Variants in MACROD2 observed in about 807,000 individuals in gnomAD.
MACROD2 encodes mono-ADP ribosylhydrolase 2, also known as ADP-ribose glycohydrolase MACROD2.
In MACROD2, 36 loss-of-function variants were observed where a neutral mutation model predicts 70.4. That is an observed-to-expected ratio of 0.51 (90% CI 0.39 to 0.68). The LOEUF is 0.68. Among genes scored for constraint, MACROD2 ranks in the 30% least tolerant of loss-of-function variants. MACROD2 has a pLI of 0.00. For synonymous variants in MACROD2, 172 were observed against 178.8 expected, an observed-to-expected ratio of 0.96 and a Z score of 0.30; for missense variants, 496 against 538.4, an observed-to-expected ratio of 0.92 and a Z score of 0.78.
intron 2 of MACROD2, among the ~76,000 whole-genome samples, chr20:14,044,465 T>C (rs1372654555): frequency 1.3e-5 from 2 of 152,128 alleles, no homozygotes; most frequent in Non-Finnish European, 2.9e-5. Flanking sequence ...TTTATTCTCT[T>C]ATTTGGCCCC....
chr20:15,075,390 A>G (rs980647141), intron 5 of MACROD2, among the ~76,000 whole-genome samples: 1 of 152,222 alleles, frequency 6.6e-6, no homozygotes, highest in Non-Finnish European at 1.5e-5. Context: ...AATAAATTAC[A>G]TTGTGTATCT....
intron 5 of MACROD2, among the ~76,000 whole-genome samples, chr20:15,212,646 G>C (rs1002213923): frequency 1.3e-5 from 2 of 152,196 alleles, no homozygotes; most frequent in Non-Finnish European, 2.9e-5. Context: ...GGGTGCAGTT[G>C]GTGTGAGTCT....
chr20:14,130,930 G>GTTTT (rs11087075), intron 3 of MACROD2, among the ~76,000 whole-genome samples: 2 of 109,654 alleles, frequency 1.8e-5, no homozygotes, highest in Non-Finnish European at 1.9e-5. Flanking sequence ...TGTTTTTTTT[G>GTTTT]TTTTTTTTTT....
chr20:15,034,641 T>A lies in MACROD2; in HGVS notation c.419-195299T>A, dbSNP rs950938770. Among the ~76,000 whole-genome samples the A allele has an allele frequency of 5.9e-5, 9 of 152,290 alleles. No individual in the cohort carries two copies. In the South Asian group the frequency reaches 1.7e-3, roughly 28 times the overall value. On this transcript the variant is annotated intron_variant, in intron 5 of 17. Transcript: ENST00000684519. The stretch of plus-strand genomic sequence containing the variant: ...TTTTTTGGTCAAAATCAGCAAGTTA[T>A]AGCATTCAATTTGTTTGCCCATGAT...
At chr20:15,284,037 A>T (rs2077469935) in intron 6 of MACROD2, among the ~76,000 whole-genome samples, 2 of 152,218 alleles carry the variant, frequency 1.3e-5, no homozygotes, top group African/African-American at 2.4e-5. Context: ...AGAATAGTTT[A>T]AAAATAATAC....
intron 4 of MACROD2, among the ~76,000 whole-genome samples, chr20:14,663,563 C>CAT (rs536922024): frequency 1.4e-3 from 214 of 149,602 alleles, no homozygotes; most frequent in East Asian, 0.01. Context: ...CACATGCACA[C>CAT]ATATATATAT....
intron 15 of MACROD2, among the ~76,000 whole-genome samples, chr20:16,037,777 T>C (rs2067254719): frequency 6.6e-6 from 1 of 151,948 alleles, no homozygotes; most frequent in South Asian, 2.1e-4. Context: ...ATTTTGTATG[T>C]TTATTTCTTA....
Position 14,323,555 on chromosome 20 carries a change from GC to G in MACROD2, c.272-169921del, listed in dbSNP as rs2082688173. 2.6e-5 allele frequency: 4 copies of G among 152,206 alleles called. 1 individual carries two copies. The South Asian group carries it at 8.3e-4, about 32-fold the overall frequency. 9.4% of individuals were successfully genotyped at this position (152,206 alleles called of 1,614,324 possible). Reference sequence around the variant, plus strand: ...GATCAACTTAATCTTCATCCACTTCGCCCTCTCTGGAGGTTAGGGTTTGGGG... The same window carrying G: ...GATCAACTTAATCTTCATCCACTTCGCCTCTCTGGAGGTTAGGGTTTGGGG... On this transcript the variant is annotated intron_variant, in intron 3 of 17. Transcript: ENST00000684519.
At chr20:14,818,923 A>G (rs1323143621) in intron 5 of MACROD2, among the ~76,000 whole-genome samples, 2 of 131,274 alleles carry the variant, frequency 1.5e-5, no homozygotes, top group African/African-American at 5.9e-5. Flanking sequence ...AATGCCTATT[A>G]TTATATTAAC....
At position 15,670,790 on chromosome 20, in the gene MACROD2, T is replaced by A. The variant is rs115799945; in HGVS notation, c.645+170943T>A. Among the ~76,000 whole-genome samples the A allele has an allele frequency of 4.5e-3, 692 of 152,252 alleles. 6 individuals are homozygous for A. Among genetic ancestry groups the A allele is most frequent in the African/African-American group, 0.016 (657 of 41,542 alleles). On this transcript the variant is annotated intron_variant, in intron 8 of 17. Coordinates refer to ENST00000684519, the MANE Select transcript of MACROD2 (RefSeq NM_001351661.2). ...CAACATCATATGTATCGAATATCAT[T>A]GTATGCTGCAAGTCTAAAGAAAGAG...
intron 6 of MACROD2, among the ~76,000 whole-genome samples, chr20:15,231,504 T>C (rs945181175): frequency 6.6e-6 from 1 of 152,008 alleles, no homozygotes; most frequent in Non-Finnish European, 1.5e-5. Context: ...TTGGAAAATA[T>C]GGATTTTGAG....
chr20:15,772,927 C>T (rs1485993977), intron 8 of MACROD2, among the ~76,000 whole-genome samples: 1 of 152,102 alleles, frequency 6.6e-6, no homozygotes, highest in Admixed American at 6.5e-5. Context: ...TGAGAACTCA[C>T]TATGACGAGG....
At chr20:15,744,312 T>C (rs1334559195) in intron 8 of MACROD2, among the ~76,000 whole-genome samples, 3 of 152,184 alleles carry the variant, frequency 2.0e-5, no homozygotes, top group Non-Finnish European at 4.4e-5. Flanking sequence ...AATCATTTTT[T>C]CTGCTGACAT....
At chr20:15,157,245 G>A (rs1416722391) in intron 5 of MACROD2, among the ~76,000 whole-genome samples, 1 of 151,918 alleles carries the variant, frequency 6.6e-6, no homozygotes, top group Admixed American at 6.6e-5. Flanking sequence ...CCTTCTCTTT[G>A]TGCACTCACA....
intron 10 of MACROD2, among the ~76,000 whole-genome samples, chr20:15,900,236 T>C (rs952195522): frequency 1.8e-4 from 27 of 152,182 alleles, no homozygotes; most frequent in African/African-American, 6.5e-4. Context: ...TGACCAGCTT[T>C]TAACAAAATA....
At chr20:14,250,439 GAATA>G (rs376342487) in intron 3 of MACROD2, among the ~76,000 whole-genome samples, 9 of 152,042 alleles carry the variant, frequency 5.9e-5, no homozygotes, top group African/African-American at 2.2e-4. Flanking sequence ...TAAGAATAAT[GAATA>G]CTTACCTACT....
Position 14,082,373 on chromosome 20 carries a change from T to A in MACROD2, c.164-3248T>A, listed in dbSNP as rs868241180. Among the ~76,000 whole-genome samples the A allele has an allele frequency of 3.4e-5, 5 of 148,368 alleles. No individual in the cohort carries two copies. The East Asian group carries it at 7.9e-4, about 23-fold the overall frequency. The stretch of plus-strand genomic sequence containing the variant: ...TTTTGTATTTTTTTTTTTTTTTTTT[T>A]AGTAGAGACGGAGTTTCACCATGTT... On this transcript the variant is annotated intron_variant, in intron 2 of 17. Transcript: ENST00000684519.
At chr20:14,522,908 T>C (rs2085185933) in intron 4 of MACROD2, among the ~76,000 whole-genome samples, 1 of 152,186 alleles carries the variant, frequency 6.6e-6, no homozygotes, top group Non-Finnish European at 1.5e-5. Flanking sequence ...GAGCAGTGTT[T>C]AGTAATCTGT....
At chr20:15,597,658 T>TA (rs1285319920) in intron 8 of MACROD2, among the ~76,000 whole-genome samples, 7 of 152,178 alleles carry the variant, frequency 4.6e-5, no homozygotes, top group African/African-American at 1.7e-4. Flanking sequence ...AAATGCTTCA[T>TA]AAAAATTAAT....
Sources: gnomAD v4.1 joint callset for allele counts (sites outside exome capture counted in the v4.1 genomes callset) on GRCh38, gnomAD v4.1.1 for gene constraint, MANE v1.5 for transcripts, NCBI Gene and HGNC (gene_info 2026-07-23, HGNC 2026-07-21) for gene names.